The following NXPE2 variants were observed in gnomAD, a reference collection of about 807,000 sequenced individuals.
NXPE2 encodes the protein neurexophilin and PC-esterase domain family member 2, also known as NXPE family member 2.
Under a neutral mutation model 34.4 loss-of-function variants are expected in NXPE2, and 34 were observed. The ratio of observed to expected loss-of-function variants is 0.99; its 90% CI spans 0.75 to 1.31. NXPE2 has a LOEUF of 1.31. Among genes scored for constraint, NXPE2 ranks in the 40% most tolerant of loss-of-function variants. NXPE2 has a pLI of 0.00. For synonymous variants in NXPE2, 235 were observed against 231.3 expected (o/e 1.02, Z -0.15); for missense variants, 649 against 672.5 (o/e 0.97, Z 0.39).
chr11:114,666,267 C>T, the NXPE2 span, among the ~76,000 whole-genome samples: 1 of 152,156 alleles, frequency 6.6e-6, no homozygotes, highest in African/African-American at 2.4e-5. Flanking sequence ...CCTGGGCTCA[C>T]AGCAGCATTT....
At chr11:114,762,485 A>G in the NXPE2 span, among the ~76,000 whole-genome samples, 1 of 152,186 alleles carries the variant, frequency 6.6e-6, no homozygotes, top group Non-Finnish European at 1.5e-5. Context: ...ATACACCATA[A>G]TTACAACTGC....
the NXPE2 span, among the ~76,000 whole-genome samples, chr11:114,592,531 T>TCACA: frequency 1.3e-5 from 2 of 148,152 alleles, no homozygotes; most frequent in Non-Finnish European, 1.5e-5. Context: ...ACACACACAC[T>TCACA]CACACACACA....
the NXPE2 span, among the ~76,000 whole-genome samples, chr11:114,718,745 A>G: frequency 2.0e-4 from 31 of 152,192 alleles, no homozygotes; most frequent in Non-Finnish European, 3.8e-4. Context: ...ACATTGAATT[A>G]TACTTGATGT....
At chr11:114,771,725 G>A in the NXPE2 span, among the ~76,000 whole-genome samples, 1 of 152,154 alleles carries the variant, frequency 6.6e-6, no homozygotes, top group Non-Finnish European at 1.5e-5. Context: ...CCTCTCAATG[G>A]CATCCATTTC....
At chr11:114,573,887 A>G in the NXPE2 span, among the ~76,000 whole-genome samples, 1 of 152,154 alleles carries the variant, frequency 6.6e-6, no homozygotes, top group South Asian at 2.1e-4. Flanking sequence ...AGAACATTCT[A>G]CCCAAAAAGT....
At chr11:114,634,155 C>T in the NXPE2 span, among the ~76,000 whole-genome samples, 1 of 151,632 alleles carries the variant, frequency 6.6e-6, no homozygotes, top group Non-Finnish European at 1.5e-5. Context: ...GATTGCCATT[C>T]TAACTGGTGT....
chr11:114,571,527 G>A, the NXPE2 span: 34 of 1,422,550 alleles, frequency 2.4e-5, no homozygotes, highest in Non-Finnish European at 3.2e-5. Context: ...TACCAAGATT[G>A]AGTAGATATA....
intron 2 of NXPE2, among the ~76,000 whole-genome samples, chr11:114,689,780 G>A (rs1951116304): frequency 6.6e-6 from 1 of 152,044 alleles, no homozygotes; most frequent in Admixed American, 6.6e-5. Context: ...TGCTCCAATG[G>A]TGGATGCATA....
chr11:114,783,925 C>A, the NXPE2 span, among the ~76,000 whole-genome samples: 1 of 152,192 alleles, frequency 6.6e-6, no homozygotes, highest in African/African-American at 2.4e-5. Context: ...TTAGACTAAA[C>A]TTTATTAGCT....
the NXPE2 span, among the ~76,000 whole-genome samples, chr11:114,771,572 A>T: frequency 2.6e-5 from 4 of 152,046 alleles, no homozygotes; most frequent in Non-Finnish European, 5.9e-5. Context: ...AGCTAAAGGG[A>T]AGGATACTTG....
chr11:114,754,367 A>G, the NXPE2 span, among the ~76,000 whole-genome samples: 1 of 152,086 alleles, frequency 6.6e-6, no homozygotes, highest in East Asian at 1.9e-4. Context: ...CATGGAGGCT[A>G]TGGTACTGTG....
the NXPE2 span, among the ~76,000 whole-genome samples, chr11:114,581,325 T>A: frequency 1.3e-5 from 2 of 152,074 alleles, no homozygotes; most frequent in Non-Finnish European, 1.5e-5. Flanking sequence ...AAACTGACAC[T>A]CAGATGGCAG....
the NXPE2 span, among the ~76,000 whole-genome samples, chr11:114,657,850 A>G: frequency 6.6e-6 from 1 of 152,194 alleles, no homozygotes; most frequent in Non-Finnish European, 1.5e-5. Flanking sequence ...CCAATTTTAC[A>G]GACTGAGCAA....
chr11:114,627,673 T>A, the NXPE2 span, among the ~76,000 whole-genome samples: 1 of 151,782 alleles, frequency 6.6e-6, no homozygotes, highest in South Asian at 2.1e-4. Flanking sequence ...ATAACAATAT[T>A]AACTTTAAAT....
chr11:114,492,697 C>A, the NXPE2 span, among the ~76,000 whole-genome samples: 1 of 152,150 alleles, frequency 6.6e-6, no homozygotes, highest in Non-Finnish European at 1.5e-5. Context: ...CGCCAGCATG[C>A]CTGGCTAATT....
the NXPE2 span, chr11:114,581,787 C>G: frequency 1.9e-6 from 3 of 1,602,800 alleles, no homozygotes; most frequent in Non-Finnish European, 2.6e-6. Flanking sequence ...CACATTTGAC[C>G]TTAAAGACAC....
At chr11:114,623,350 G>A in the NXPE2 span, among the ~76,000 whole-genome samples, 11 of 151,990 alleles carry the variant, frequency 7.2e-5, no homozygotes, top group South Asian at 2.1e-4. Context: ...AATAAGTATC[G>A]CCTGTAGGGT....
At chr11:114,740,480 C>CT in the NXPE2 span, among the ~76,000 whole-genome samples, 1 of 151,824 alleles carries the variant, frequency 6.6e-6, no homozygotes, top group African/African-American at 2.4e-5. Flanking sequence ...GTATATATAC[C>CT]CAGAAGTGGG....
chr11:114,667,349 A>C, the NXPE2 span, among the ~76,000 whole-genome samples: 1 of 152,148 alleles, frequency 6.6e-6, no homozygotes, highest in African/African-American at 2.4e-5. Context: ...TTCTCCTAAA[A>C]TGTCAATTTG....
Sources: gnomAD v4.1 joint callset for allele counts (sites outside exome capture counted in the v4.1 genomes callset) on GRCh38, gnomAD v4.1.1 for gene constraint, MANE v1.5 for transcripts, NCBI Gene and HGNC (gene_info 2026-07-23, HGNC 2026-07-21) for gene names.